Variants in TMEM178B observed in about 807,000 individuals in gnomAD.
TMEM178B encodes the protein transmembrane protein 178B.
A neutral mutation model predicts 31.0 loss-of-function variants in TMEM178B; 5 were observed. The observed-to-expected ratio is 0.16, with a 90% confidence interval of 0.08 to 0.34. The LOEUF is 0.34. Ranked by LOEUF, TMEM178B falls within the 10% of genes least tolerant of loss-of-function variation. TMEM178B has a pLI of 1.00. For missense variants in TMEM178B, 275 were observed against 400.3 expected (o/e 0.69, Z 2.67); for synonymous variants, 164 against 164.0 (o/e 1.00, Z 0.00).
intron 2 of TMEM178B, among the ~76,000 whole-genome samples, chr7:141,385,639 T>C (rs893996446): frequency 6.6e-6 from 1 of 152,208 alleles, no homozygotes; most frequent in Non-Finnish European, 1.5e-5. Flanking sequence ...AGCAACCTTT[T>C]TATCCAGTTC....
intron 2 of TMEM178B, among the ~76,000 whole-genome samples, chr7:141,313,881 C>T (rs1463463528): frequency 6.6e-6 from 1 of 152,122 alleles, no homozygotes; most frequent in African/African-American, 2.4e-5. Context: ...TAGGACCCCC[C>T]TGATGAGACC....
intron 3 of TMEM178B, among the ~76,000 whole-genome samples, chr7:141,441,241 G>T (rs532195785): frequency 1.4e-4 from 22 of 152,308 alleles, no homozygotes; most frequent in African/African-American, 4.3e-4. Flanking sequence ...ATGATGCCTT[G>T]ACCTCTAGAA....
chr7:141,208,564 A>G (rs1014428091), intron 1 of TMEM178B, among the ~76,000 whole-genome samples: 2 of 152,206 alleles, frequency 1.3e-5, no homozygotes, highest in Non-Finnish European at 1.5e-5. Context: ...GATTGCTGTC[A>G]GAGGCAGGAT....
chr7:141,253,947 C>A (rs367772629), intron 2 of TMEM178B, among the ~76,000 whole-genome samples: 2 of 152,190 alleles, frequency 1.3e-5, no homozygotes, highest in East Asian at 1.9e-4. Flanking sequence ...ATTTGTATCC[C>A]AGGGCAAAGC....
chr7:141,417,087 G>A (rs1223466030), intron 2 of TMEM178B, among the ~76,000 whole-genome samples: 1 of 152,136 alleles, frequency 6.6e-6, no homozygotes, highest in African/African-American at 2.4e-5. Flanking sequence ...GTGCACTGTC[G>A]ACGGTTCCTG....
intron 2 of TMEM178B, among the ~76,000 whole-genome samples, chr7:141,337,663 ATG>A (rs1799447756): frequency 6.6e-6 from 1 of 152,140 alleles, no homozygotes; most frequent in South Asian, 2.1e-4. Context: ...CAGGATATTT[ATG>A]TGTGTGCTTT....
intron 2 of TMEM178B, among the ~76,000 whole-genome samples, chr7:141,387,207 G>A (rs1179515232): frequency 1.3e-5 from 2 of 152,186 alleles, no homozygotes; most frequent in Non-Finnish European, 2.9e-5. Flanking sequence ...TTGACTATTA[G>A]AGTTGGAAGG....
intron 2 of TMEM178B, among the ~76,000 whole-genome samples, chr7:141,216,460 C>T (rs75076238): frequency 0.51 from 46,830 of 92,692 alleles, 9,367 homozygotes; most frequent in East Asian, 0.67. Context: ...CGCGCGCGCG[C>T]GCGTGTGTGT....
At chr7:141,075,695 GT>G (rs1225119939) in intron 1 of TMEM178B, among the ~76,000 whole-genome samples, 4 of 152,134 alleles carry the variant, frequency 2.6e-5, no homozygotes, top group Middle Eastern at 3.2e-3. Flanking sequence ...TATGAGTCTG[GT>G]TTTTTTCCCC....
At chr7:141,218,110 A>G (rs983606529) in intron 2 of TMEM178B, among the ~76,000 whole-genome samples, 3 of 151,670 alleles carry the variant, frequency 2.0e-5, no homozygotes, top group Admixed American at 6.6e-5. Flanking sequence ...ACACGAGCTC[A>G]CTCATCGGCC....
intron 1 of TMEM178B, among the ~76,000 whole-genome samples, chr7:141,137,314 G>C (rs992173807): frequency 1.3e-5 from 2 of 152,170 alleles, no homozygotes; most frequent in Non-Finnish European, 2.9e-5. Flanking sequence ...ATCAACTGAA[G>C]TGTCCATCAA....
chr7:141,079,015 A>G (rs1012225304), intron 1 of TMEM178B, among the ~76,000 whole-genome samples: 1 of 152,218 alleles, frequency 6.6e-6, no homozygotes, highest in African/African-American at 2.4e-5. Flanking sequence ...GGCTGGGCAC[A>G]GTGGTTCACG....
intron 2 of TMEM178B, among the ~76,000 whole-genome samples, chr7:141,407,980 CA>C (rs1800915383): frequency 6.6e-6 from 1 of 152,146 alleles, no homozygotes; most frequent in Non-Finnish European, 1.5e-5. Context: ...ATGATGTAGG[CA>C]GGTCTCCTTT....
intron 2 of TMEM178B, among the ~76,000 whole-genome samples, chr7:141,384,400 G>T (rs892931443): frequency 2.0e-5 from 3 of 152,162 alleles, no homozygotes; most frequent in African/African-American, 4.8e-5. Context: ...TTTGTATAAG[G>T]TGTAAGGAAG....
At chr7:141,138,938 C>T (rs571022376) in intron 1 of TMEM178B, among the ~76,000 whole-genome samples, 3 of 151,430 alleles carry the variant, frequency 2.0e-5, no homozygotes, top group African/African-American at 4.8e-5. Context: ...GAGCTGAGAT[C>T]GCGCCACCGC....
At chr7:141,196,327 C>T (rs1796782917) in intron 1 of TMEM178B, among the ~76,000 whole-genome samples, 1 of 152,086 alleles carries the variant, frequency 6.6e-6, no homozygotes, top group Non-Finnish European at 1.5e-5. Flanking sequence ...TATATGTCCT[C>T]CTCAGCCACA....
At chr7:141,303,182 G>GA (rs1190202727) in intron 2 of TMEM178B, among the ~76,000 whole-genome samples, 1 of 152,140 alleles carries the variant, frequency 6.6e-6, no homozygotes, top group African/African-American at 2.4e-5. Flanking sequence ...ATGTTAGCCT[G>GA]TCTTTGCCCA....
chr7:141,291,519 CT>C (rs1798545624), intron 2 of TMEM178B, among the ~76,000 whole-genome samples: 1 of 152,218 alleles, frequency 6.6e-6, no homozygotes, highest in South Asian at 2.1e-4. Context: ...GACTTCCTTT[CT>C]TTGTTGAGTG....
chr7:141,132,197 A>G (rs972420124), intron 1 of TMEM178B, among the ~76,000 whole-genome samples: 30 of 151,974 alleles, frequency 2.0e-4, no homozygotes, highest in Non-Finnish European at 2.5e-4. Flanking sequence ...CCTCCTACCT[A>G]TCTTTGTTTG....
Sources: gnomAD v4.1 joint callset for allele counts (sites outside exome capture counted in the v4.1 genomes callset) on GRCh38, gnomAD v4.1.1 for gene constraint, MANE v1.5 for transcripts, NCBI Gene and HGNC (gene_info 2026-07-23, HGNC 2026-07-21) for gene names.